The following ANKS1A variants were observed in gnomAD, a reference collection of about 807,000 sequenced individuals.
The protein encoded by ANKS1A is ankyrin repeat and sterile alpha motif domain containing 1A.
Under a neutral mutation model 120.3 loss-of-function variants are expected in ANKS1A, and 55 were observed. The ratio of observed to expected loss-of-function variants is 0.46; its 90% CI spans 0.37 to 0.57. The LOEUF (loss-of-function observed/expected upper bound fraction) is 0.57. Among genes scored for constraint, ANKS1A ranks in the 20% least tolerant of loss-of-function variants. The pLI is 0.00. For synonymous variants in ANKS1A, 590 were observed against 604.7 expected (o/e 0.98, Z 0.36); for missense variants, 1,123 against 1,480.3 (o/e 0.76, Z 3.96).
chr6:34,893,538 A>G (rs755124847), intron 1 of ANKS1A, among the ~76,000 whole-genome samples: 3 of 152,172 alleles, frequency 2.0e-5, no homozygotes, highest in African/African-American at 4.8e-5. Context: ...CATATACCCA[A>G]TGTTTACCCA....
At chr6:34,947,932 G>A (rs1382975731) in intron 1 of ANKS1A, among the ~76,000 whole-genome samples, 1 of 152,208 alleles carries the variant, frequency 6.6e-6, no homozygotes, top group Non-Finnish European at 1.5e-5. Context: ...ACAGATCTCA[G>A]TAGAGGTCCT....
At chr6:34,916,517 A>G (rs544670631) in intron 1 of ANKS1A, among the ~76,000 whole-genome samples, 2 of 152,332 alleles carry the variant, frequency 1.3e-5, no homozygotes, top group African/African-American at 4.8e-5. Context: ...CCTCTATTTT[A>G]AGAAGAATGA....
intron 11 of ANKS1A, among the ~76,000 whole-genome samples, chr6:35,045,627 C>T (rs912092885): frequency 3.9e-5 from 6 of 152,162 alleles, no homozygotes; most frequent in African/African-American, 1.4e-4. Context: ...AGCTGGACAC[C>T]ATGAATTAGG....
At chr6:34,949,998 C>T (rs1769991963) in intron 1 of ANKS1A, among the ~76,000 whole-genome samples, 1 of 152,162 alleles carries the variant, frequency 6.6e-6, no homozygotes, top group Admixed American at 6.5e-5. Context: ...AGAACGCTTT[C>T]TCTCTCTGGA....
At chr6:34,963,455 C>T (rs1770751018) in intron 1 of ANKS1A, among the ~76,000 whole-genome samples, 1 of 152,180 alleles carries the variant, frequency 6.6e-6, no homozygotes, top group African/African-American at 2.4e-5. Context: ...ACAGGATTTT[C>T]CTTCCTTTCC....
At chr6:35,032,698 C>A (rs984344944) in intron 11 of ANKS1A, among the ~76,000 whole-genome samples, 1 of 152,136 alleles carries the variant, frequency 6.6e-6, no homozygotes, top group Admixed American at 6.5e-5. Context: ...AATAATTAAG[C>A]CCTTCTCCTT....
Position 35,003,086 on chromosome 6 carries a change from A to G in ANKS1A, c.1423+8664A>G, listed in dbSNP as rs553499742. On this transcript the variant is annotated intron_variant, in intron 10 of 23. Coordinates refer to ENST00000360359, the MANE Select transcript of ANKS1A (RefSeq NM_015245.3). ...AACCATCTTTCTTCCTACTGCCCATAAAAACAGGCGAACTCCTAGGCTTCC... is the reference window on the plus strand; with the variant it reads ...AACCATCTTTCTTCCTACTGCCCATGAAAACAGGCGAACTCCTAGGCTTCC... Among the ~76,000 whole-genome samples, 9 of 151,836 alleles carry G rather than the reference A, an allele frequency of 5.9e-5. No homozygotes were observed. The South Asian group carries it at 1.9e-3, about 32-fold the overall frequency.
chr6:35,083,290 C>T (rs957253299), intron 19 of ANKS1A, 64 bp downstream of exon 19: 5 of 1,600,604 alleles, frequency 3.1e-6, no homozygotes, highest in Non-Finnish European at 4.3e-6. Flanking sequence ...GCAATGGGGG[C>T]AGTAGCTGCA....
chr6:34,983,511 T>C (rs1387205757), intron 7 of ANKS1A, 86 bp downstream of exon 7: 33 of 1,153,684 alleles, frequency 2.9e-5, no homozygotes, highest in Non-Finnish European at 3.9e-5. Flanking sequence ...AATCTTAATT[T>C]AAATAATAAT....
chr6:34,998,262 A>C (rs150111177), intron 10 of ANKS1A, among the ~76,000 whole-genome samples: 2 of 152,264 alleles, frequency 1.3e-5, no homozygotes, highest in African/African-American at 4.8e-5. Context: ...AGCTTTTATG[A>C]ATTAATTAAT....
Position 35,088,705 on chromosome 6 carries a change from A to AC in ANKS1A, c.*99dup, listed in dbSNP as rs1554163103. 6.2e-7 allele frequency: 1 copy of AC among 1,612,586 alleles called. No individual in the cohort carries two copies. The highest frequency in any genetic ancestry group is 1.3e-5 in the African/African-American group (1 of 74,954). ...CATCGCCTCACCTGCAGCTCTGAAG[A>AC]CCCAGGCCTCACCTCCGCCTGCAGG... On this transcript the variant is annotated 3_prime_UTR_variant, in exon 24 of 24. Transcript: ENST00000360359.
rs1778230430 is a variant in ANKS1A, at chr6:35,090,295, C to T, written c.*1686C>T. 3.1e-6 allele frequency: 4 copies of T among 1,289,686 alleles called. No individual in the cohort carries two copies. The highest frequency in any genetic ancestry group is 4.0e-6 in the Non-Finnish European group (4 of 988,808). 79.9% of individuals were successfully genotyped at this position (1,289,686 alleles called of 1,614,324 possible). Reference sequence around the variant, plus strand: ...GCCCCGGCTTTCTTCCAAGAGTTGACCAGGAACCCTAAAGCATCCAGAGTA... The same window carrying T: ...GCCCCGGCTTTCTTCCAAGAGTTGATCAGGAACCCTAAAGCATCCAGAGTA... On this transcript the variant is annotated 3_prime_UTR_variant, in exon 24 of 24. Transcript: ENST00000360359.
chr6:34,934,865 T>A (rs1769172561), intron 1 of ANKS1A, among the ~76,000 whole-genome samples: 1 of 152,214 alleles, frequency 6.6e-6, no homozygotes, highest in South Asian at 2.1e-4. Flanking sequence ...TTCCTTCACA[T>A]TTTATTTTAT....
intron 16 of ANKS1A, 71 bp downstream of exon 16, chr6:35,079,999 T>A: frequency 1.3e-6 from 2 of 1,498,194 alleles, no homozygotes; most frequent in Non-Finnish European, 1.8e-6. Flanking sequence ...TAGAATTCTT[T>A]AGGATTCTTC....
chr6:35,063,632 A>G (rs1341096691), intron 13 of ANKS1A, among the ~76,000 whole-genome samples: 1 of 152,246 alleles, frequency 6.6e-6, no homozygotes, highest in African/African-American at 2.4e-5. Flanking sequence ...GAGTGAGCCA[A>G]GATGTTTTCA....
intron 14 of ANKS1A, among the ~76,000 whole-genome samples, chr6:35,079,251 C>T (rs560165552): frequency 1.4e-5 from 2 of 146,726 alleles, no homozygotes; most frequent in African/African-American, 5.5e-5. Context: ...GTTCTGCAGA[C>T]CCCCCCTCCC....
At chr6:35,080,855 GTGGTGT>G in intron 16 of ANKS1A, 133 bp from the exon 17 acceptor site, 23 of 1,007,308 alleles carry the variant, frequency 2.3e-5, no homozygotes, top group African/African-American at 3.2e-5. Flanking sequence ...TGACACCCCT[GTGGTGT>G]TGGCCCCTTC....
At chr6:35,017,391 G>A in intron 10 of ANKS1A, 82 bp from the exon 11 acceptor site, 1 of 1,413,444 alleles carries the variant, frequency 7.1e-7, no homozygotes, top group Non-Finnish European at 9.6e-7. Flanking sequence ...CCTCTGCTTT[G>A]CCATATGCTT....
At chr6:35,074,159 A>G (rs1581739405) in intron 13 of ANKS1A, among the ~76,000 whole-genome samples, 1 of 152,344 alleles carries the variant, frequency 6.6e-6, no homozygotes, top group East Asian at 1.9e-4. Context: ...AAGCTGGCGA[A>G]GGTTTCTGAG....
Sources: gnomAD v4.1 joint callset for allele counts (sites outside exome capture counted in the v4.1 genomes callset) on GRCh38, gnomAD v4.1.1 for gene constraint, MANE v1.5 for transcripts, NCBI Gene and HGNC (gene_info 2026-07-23, HGNC 2026-07-21) for gene names.